NRG1: variants seen among roughly 807,000 people sequenced by gnomAD.
The protein encoded by NRG1 is pro-neuregulin-1, membrane-bound isoform.
NRG1 carries 18 observed loss-of-function variants against 63.8 expected under a neutral mutation model. The observed-to-expected ratio is 0.28, with a 90% CI of 0.19 to 0.42. The LOEUF (loss-of-function observed/expected upper bound fraction) is 0.42, where lower values mean the gene tolerates loss of function less well. NRG1 is among the 10% of genes least tolerant of loss of function. NRG1 has a pLI of 1.00. For missense variants in NRG1, 762 were observed against 814.7 expected, an observed-to-expected ratio of 0.94 and a Z score of 0.79; for synonymous variants, 302 against 301.3, an observed-to-expected ratio of 1.00 and a Z score of -0.02.
Position 32,161,566 on chromosome 8 carries a change from GAA to G in NRG1, c.38-434251_38-434250del, listed in dbSNP as rs11330845. Reference sequence around the variant, plus strand: ...CATTTTGTTGGTGTTTCATGCAAATGAAAAAAAAAAAACACTGTTTTTATGAT... The same window carrying G: ...CATTTTGTTGGTGTTTCATGCAAATGAAAAAAAAAACACTGTTTTTATGAT... On this transcript the variant is annotated intron_variant, in intron 1 of 10. Coordinates refer to the NRG1 transcript ENST00000519301. 9.7e-4 allele frequency among the ~76,000 whole-genome samples: 143 copies of G among 146,680 alleles called. 1 individual carries two copies. The highest frequency in any genetic ancestry group is 2.5e-3 in the East Asian group (12 of 4,856).
At chr8:32,007,062 C>T (rs140742082) in intron 1 of NRG1, among the ~76,000 whole-genome samples, 171 of 152,148 alleles carry the variant, frequency 1.1e-3, no homozygotes, top group African/African-American at 3.8e-3. Flanking sequence ...ATCCCACTGA[C>T]ATTCCTCTTG....
chr8:32,240,785 T>A (rs1211942619), intron 1 of NRG1, among the ~76,000 whole-genome samples: 1 of 152,080 alleles, frequency 6.6e-6, no homozygotes, highest in Admixed American at 6.6e-5. Flanking sequence ...TATTTCAAGA[T>A]AAAAAAAGTT....
intron 1 of NRG1, among the ~76,000 whole-genome samples, chr8:32,194,937 C>T (rs1842825991): frequency 6.6e-6 from 1 of 151,912 alleles, no homozygotes; most frequent in South Asian, 2.1e-4. Context: ...CTGATAAAAT[C>T]ACTGACATCT....
At chr8:32,582,582 G>C (rs1007974885) in intron 1 of NRG1, among the ~76,000 whole-genome samples, 1 of 152,120 alleles carries the variant, frequency 6.6e-6, no homozygotes, top group Non-Finnish European at 1.5e-5. Flanking sequence ...TCCTGTGGAA[G>C]GTAAACTTAC....
chr8:32,576,682 C>T (rs1839694581), intron 1 of NRG1, among the ~76,000 whole-genome samples: 1 of 152,066 alleles, frequency 6.6e-6, no homozygotes, highest in African/African-American at 2.4e-5. Flanking sequence ...AAGTTGTGCC[C>T]ATACTAACCA....
At chr8:32,360,078 T>A (rs555023855) in intron 1 of NRG1, among the ~76,000 whole-genome samples, 5 of 152,254 alleles carry the variant, frequency 3.3e-5, no homozygotes, top group Non-Finnish European at 7.3e-5. Context: ...CTCTCAAGAA[T>A]AAACATGATA....
intron 1 of NRG1, among the ~76,000 whole-genome samples, chr8:32,402,817 G>T (rs950241721): frequency 2.6e-5 from 4 of 152,142 alleles, no homozygotes; most frequent in African/African-American, 7.2e-5. Context: ...GAAGAAAAAA[G>T]ATATTTGTGC....
chr8:32,602,902 C>G (rs1463898380), intron 2 of NRG1, among the ~76,000 whole-genome samples: 1 of 152,016 alleles, frequency 6.6e-6, no homozygotes, highest in Non-Finnish European at 1.5e-5. Flanking sequence ...GGTATTTGAA[C>G]GCTCCAAAAT....
chr8:31,843,205 G>A lies in NRG1; in HGVS notation c.37+203774G>A, dbSNP rs141604444. On this transcript the variant is annotated intron_variant, in intron 1 of 10. Transcript: ENST00000519301. ...AATTTTCATATACGAGAACAATGTG[G>A]CATGATTACTCACCAGCAACAGAAG... Among the ~76,000 whole-genome samples, 579 of 152,260 alleles carry A rather than the reference G, an allele frequency of 3.8e-3. 9 individuals are homozygous for A. The highest frequency in any genetic ancestry group is 0.013 in the African/African-American group (550 of 41,556).
chr8:32,054,807 G>T (rs1445740917), intron 1 of NRG1, among the ~76,000 whole-genome samples: 1 of 146,650 alleles, frequency 6.8e-6, no homozygotes, highest in Non-Finnish European at 1.5e-5. Flanking sequence ...ACCTAAACTT[G>T]GGTGTTTACT....
intron 1 of NRG1, among the ~76,000 whole-genome samples, chr8:31,733,496 A>C (rs371567291): frequency 4.6e-5 from 7 of 152,190 alleles, no homozygotes; most frequent in African/African-American, 1.7e-4. Context: ...TCTTTCCCAG[A>C]GGCTACAGTT....
intron 1 of NRG1, among the ~76,000 whole-genome samples, chr8:31,796,201 C>T (rs1293653026): frequency 6.6e-6 from 1 of 152,170 alleles, no homozygotes; most frequent in East Asian, 1.9e-4. Flanking sequence ...GACCAGAAAA[C>T]TAGGAAGAAA....
chr8:32,431,569 T>A (rs796861040), intron 1 of NRG1, among the ~76,000 whole-genome samples: 5 of 152,032 alleles, frequency 3.3e-5, no homozygotes, highest in African/African-American at 1.2e-4. Flanking sequence ...CAAGGGAGAG[T>A]TAATATTCTC....
intron 1 of NRG1, among the ~76,000 whole-genome samples, chr8:32,011,960 T>C (rs1328238565): frequency 6.6e-6 from 1 of 152,104 alleles, no homozygotes. Flanking sequence ...GTAAACAAAA[T>C]ATTTACATAT....
At chr8:31,666,494 T>A (rs1054778769) in intron 1 of NRG1, among the ~76,000 whole-genome samples, 1 of 152,156 alleles carries the variant, frequency 6.6e-6, no homozygotes, top group Non-Finnish European at 1.5e-5. Flanking sequence ...AACATGATCA[T>A]CTTCAAAATG....
At chr8:32,751,832 A>G (rs1176235902) in intron 7 of NRG1, among the ~76,000 whole-genome samples, 1 of 152,114 alleles carries the variant, frequency 6.6e-6, no homozygotes, top group Non-Finnish European at 1.5e-5. Flanking sequence ...ATCATGCACC[A>G]TATGTTTCCA....
At chr8:32,219,410 A>G (rs543399045) in intron 1 of NRG1, among the ~76,000 whole-genome samples, 6 of 152,314 alleles carry the variant, frequency 3.9e-5, no homozygotes, top group African/African-American at 7.2e-5. Flanking sequence ...TTCAAAATCT[A>G]TTGAAATGCT....
intron 1 of NRG1, among the ~76,000 whole-genome samples, chr8:31,772,453 A>C (rs1490493512): frequency 6.6e-6 from 1 of 152,228 alleles, no homozygotes; most frequent in Admixed American, 6.5e-5. Context: ...GATTAAACCC[A>C]GGCTTATTTT....
At chr8:32,334,303 C>T (rs973220944) in intron 1 of NRG1, among the ~76,000 whole-genome samples, 1 of 152,150 alleles carries the variant, frequency 6.6e-6, no homozygotes, top group African/African-American at 2.4e-5. Flanking sequence ...GTCTACTTAT[C>T]TCTAATATTA....
Sources: allele counts gnomAD v4.1 joint callset (sites outside exome capture counted in the v4.1 genomes callset), GRCh38; gene constraint gnomAD v4.1.1; transcripts MANE v1.5; gene names NCBI Gene and HGNC (gene_info 2026-07-23, HGNC 2026-07-21).